The following CCSER1 variants were observed in gnomAD, a reference collection of about 807,000 sequenced individuals.
CCSER1 encodes the protein coiled-coil serine rich protein 1.
CCSER1 carries 41 observed loss-of-function variants against 82.0 expected under a neutral mutation model. That is an observed-to-expected ratio of 0.50 (90% confidence interval 0.39 to 0.65). The LOEUF is 0.65. CCSER1 is among the 30% of genes least tolerant of loss of function. CCSER1 has a pLI of 0.00. For missense variants in CCSER1, 1,119 were observed against 1,064.2 expected (o/e 1.05, Z -0.72); for synonymous variants, 414 against 383.9 (o/e 1.08, Z -0.92).
intron 10 of CCSER1, among the ~76,000 whole-genome samples, chr4:91,401,140 T>A (rs944933531): frequency 2.6e-5 from 4 of 151,678 alleles, no homozygotes; most frequent in African/African-American, 9.7e-5. Flanking sequence ...CTTCATTACC[T>A]CACGTGCCCA....
chr4:90,869,474 A>G (rs564251137), intron 8 of CCSER1, among the ~76,000 whole-genome samples: 2 of 151,776 alleles, frequency 1.3e-5, no homozygotes, highest in African/African-American at 2.4e-5. Flanking sequence ...TCCCTAATTT[A>G]TGTTCTTGTC....
At chr4:90,471,491 T>A (rs1351604681) in intron 5 of CCSER1, among the ~76,000 whole-genome samples, 1 of 152,122 alleles carries the variant, frequency 6.6e-6, no homozygotes, top group Non-Finnish European at 1.5e-5. Flanking sequence ...TGTTTCTTTT[T>A]AATATGGGAG....
intron 10 of CCSER1, among the ~76,000 whole-genome samples, chr4:91,510,761 CA>C (rs1759774623): frequency 6.6e-6 from 1 of 152,092 alleles, no homozygotes; most frequent in African/African-American, 2.4e-5. Flanking sequence ...TATTTTCTCC[CA>C]TTCTATAGGT....
intron 10 of CCSER1, among the ~76,000 whole-genome samples, chr4:91,359,152 G>A (rs1035688562): frequency 4.0e-5 from 6 of 149,718 alleles, no homozygotes; most frequent in Admixed American, 2.0e-4. Context: ...CAAGCAGGTG[G>A]TATGTGACAG....
chr4:91,211,152 T>TGAA (rs1736788449), intron 10 of CCSER1, among the ~76,000 whole-genome samples: 1 of 151,772 alleles, frequency 6.6e-6, no homozygotes, highest in Non-Finnish European at 1.5e-5. Context: ...GTACTCGGAG[T>TGAA]GAAGATAGAG....
At chr4:90,293,359 C>T (rs1036369031) in intron 1 of CCSER1, among the ~76,000 whole-genome samples, 2 of 151,408 alleles carry the variant, frequency 1.3e-5, no homozygotes, top group Non-Finnish European at 1.5e-5. Context: ...CAAGTTGAAT[C>T]GAGTTTTTCT....
At chr4:90,957,970 T>C (rs1733696056) in intron 9 of CCSER1, among the ~76,000 whole-genome samples, 1 of 152,006 alleles carries the variant, frequency 6.6e-6, no homozygotes, top group Non-Finnish European at 1.5e-5. Flanking sequence ...AAAAAAATAG[T>C]GAATAATGTG....
intron 6 of CCSER1, among the ~76,000 whole-genome samples, chr4:90,630,883 T>C (rs978434090): frequency 1.4e-5 from 2 of 141,168 alleles, no homozygotes; most frequent in Admixed American, 7.1e-5. Context: ...TTATTATTAT[T>C]ATTATTATTA....
chr4:90,156,177 G>T (rs1016404382), intron 1 of CCSER1, among the ~76,000 whole-genome samples: 2 of 152,206 alleles, frequency 1.3e-5, no homozygotes. Context: ...ATGTAATTGA[G>T]CAGTTTTGGG....
intron 10 of CCSER1, among the ~76,000 whole-genome samples, chr4:91,465,526 G>A (rs947508287): frequency 2.6e-5 from 4 of 152,080 alleles, no homozygotes; most frequent in Admixed American, 2.0e-4. Flanking sequence ...AGGAGATAGA[G>A]ACACAAAAAA....
intron 5 of CCSER1, among the ~76,000 whole-genome samples, chr4:90,607,910 C>G (rs1452408307): frequency 6.6e-6 from 1 of 152,024 alleles, no homozygotes; most frequent in Non-Finnish European, 1.5e-5. Context: ...TCCACTTAAC[C>G]GTTTTTAAAT....
At chr4:91,172,921 G>A (rs1732916027) in intron 10 of CCSER1, among the ~76,000 whole-genome samples, 1 of 151,820 alleles carries the variant, frequency 6.6e-6, no homozygotes, top group Non-Finnish European at 1.5e-5. Context: ...ATACAAAAGT[G>A]GAAAAAAAAG....
At chr4:90,338,197 C>G (rs1272093953) in intron 3 of CCSER1, among the ~76,000 whole-genome samples, 2 of 152,172 alleles carry the variant, frequency 1.3e-5, no homozygotes, top group Non-Finnish European at 2.9e-5. Flanking sequence ...TTCATGCTTC[C>G]CACTTCACTT....
intron 10 of CCSER1, among the ~76,000 whole-genome samples, chr4:91,387,903 A>C (rs1287432983): frequency 6.6e-6 from 1 of 152,074 alleles, no homozygotes; most frequent in Non-Finnish European, 1.5e-5. Flanking sequence ...ATTGTTTTCT[A>C]TAGGACTTTA....
chr4:90,879,612 G>T (rs932103879), intron 8 of CCSER1, among the ~76,000 whole-genome samples: 2 of 129,216 alleles, frequency 1.5e-5, no homozygotes, highest in African/African-American at 5.5e-5. Context: ...AAGAAGAGGA[G>T]GAGGAGGAGG....
chr4:90,987,103 G>A (rs1029630774), intron 9 of CCSER1, among the ~76,000 whole-genome samples: 9 of 151,564 alleles, frequency 5.9e-5, no homozygotes, highest in Admixed American at 4.6e-4. Flanking sequence ...ATCAGCTTGT[G>A]ATTTTATCTA....
At chr4:90,948,720 G>C (rs1355727828) in intron 9 of CCSER1, among the ~76,000 whole-genome samples, 3 of 151,802 alleles carry the variant, frequency 2.0e-5, no homozygotes, top group African/African-American at 7.3e-5. Context: ...AATAGAATTA[G>C]GTAAAATATC....
rs539337902 is a variant in CCSER1 at position 91,382,533 on chromosome 4, G to A, written c.2218-216039G>A. Among the ~76,000 whole-genome samples, 300 of 152,286 alleles carry A rather than the reference G, an allele frequency of 2.0e-3. 1 individual carries two copies. Among genetic ancestry groups the A allele is most frequent in the Non-Finnish European group, 3.0e-3 (201 of 68,034 alleles). ...GGCATGGGATATAATCTCCTGGTGT[G>A]CCATTTGCTAAGACCATTGGAAAAG... On this transcript the variant is annotated intron_variant, in intron 10 of 10. Coordinates refer to ENST00000509176, the MANE Select transcript of CCSER1 (RefSeq NM_001145065.2).
rs200191559 is a variant in CCSER1, at chr4:91,363,539, A to AGT, written c.2218-235030_2218-235029dup. Among the ~76,000 whole-genome samples, 274 of 151,902 alleles carry AGT rather than the reference A, an allele frequency of 1.8e-3. 4 individuals carry two copies. Among genetic ancestry groups the AGT allele is most frequent in the East Asian group, 3.7e-3 (19 of 5,182 alleles). On this transcript the variant is annotated intron_variant, in intron 10 of 10. Transcript: ENST00000509176. ...AGGAGAAGGCAGCTGTTTCTACTGT[A>AGT]GTGTCCTCTGTTTTCTCCCCTTTTC...
Sources: gnomAD v4.1 joint callset for allele counts (sites outside exome capture counted in the v4.1 genomes callset) on GRCh38, gnomAD v4.1.1 for gene constraint, MANE v1.5 for transcripts, NCBI Gene and HGNC (gene_info 2026-07-23, HGNC 2026-07-21) for gene names.